Variants in MPPED2 observed in about 807,000 individuals in gnomAD.
MPPED2 encodes the protein metallophosphoesterase domain containing 2.
In MPPED2, 5 loss-of-function variants were observed where a neutral mutation model predicts 33.0. The observed-to-expected ratio is 0.15, with a 90% CI of 0.08 to 0.32. MPPED2 has a LOEUF of 0.32. Among genes scored for constraint, MPPED2 ranks in the 10% least tolerant of loss-of-function variants. The probability of loss-of-function intolerance (pLI) is 1.00; values close to 1 mark genes in which losing one functional copy is unlikely to be tolerated. For missense variants in MPPED2, 275 were observed against 372.1 expected (o/e 0.74, Z 2.15); for synonymous variants, 136 against 141.9 (o/e 0.96, Z 0.29).
chr11:30,484,660 G>A (rs574653), intron 4 of MPPED2, among the ~76,000 whole-genome samples: 114,580 of 152,130 alleles, frequency 0.75, 44,193 homozygotes, highest in African/African-American at 0.93. Context: ...GATACTCCAT[G>A]TAAGTGACCT....
intron 4 of MPPED2, among the ~76,000 whole-genome samples, chr11:30,452,236 C>G (rs1483701091): frequency 2.0e-5 from 3 of 152,174 alleles, no homozygotes; most frequent in Non-Finnish European, 4.4e-5. Flanking sequence ...CCCTATGTGC[C>G]CTTTCCCCTT....
chr11:30,494,152 A>G (rs960731692), intron 4 of MPPED2, among the ~76,000 whole-genome samples: 10 of 152,176 alleles, frequency 6.6e-5, no homozygotes, highest in African/African-American at 1.7e-4. Flanking sequence ...TTCAAAATCT[A>G]TATTTCTACA....
At chr11:30,586,436 C>A (rs950817653), upstream of MPPED2, among the ~76,000 whole-genome samples, 2 of 152,028 alleles carry the variant, frequency 1.3e-5, no homozygotes, top group Non-Finnish European at 2.9e-5. This position sits in a 1 kb window ranked among gnomAD's most constrained non-coding sequence, Gnocchi z 4.8. Context: ...CGCTCCCCGG[C>A]GGGACCCCGC....
intron 2 of MPPED2, among the ~76,000 whole-genome samples, chr11:30,555,237 C>T (rs1447723509): frequency 2.0e-5 from 3 of 152,186 alleles, no homozygotes; most frequent in East Asian, 1.9e-4. Context: ...CACTGTGACT[C>T]TCTTGCTATA....
At chr11:30,536,199 A>C in intron 2 of MPPED2, 24 bp from the exon 3 acceptor site, 2 of 1,540,770 alleles carry the variant, frequency 1.3e-6, no homozygotes, top group Non-Finnish European at 1.7e-6. Context: ...AACAGATCCC[A>C]TAACAGTTAA....
chr11:30,550,743 C>G (rs2134623111), intron 2 of MPPED2, among the ~76,000 whole-genome samples: 1 of 152,286 alleles, frequency 6.6e-6, no homozygotes, highest in South Asian at 2.1e-4. Context: ...ATAAAATCTC[C>G]CGCCAGGTCC....
chr11:30,427,568 C>T (rs182143101), intron 4 of MPPED2, among the ~76,000 whole-genome samples: 1 of 152,318 alleles, frequency 6.6e-6, no homozygotes, highest in Admixed American at 6.5e-5. Context: ...TCCCCATCAC[C>T]TGGCACAGAG....
rs1224702082 is a variant in MPPED2 at position 30,536,149 on chromosome 11, G to A, written c.155C>T (p.Pro52Leu). Residue 52 changes from proline (P) to leucine (L), a missense_variant, in exon 3 of 7, where the codon CCA becomes CTA. Coordinates refer to ENST00000358117, the MANE Select transcript of MPPED2 (RefSeq NM_001584.3). ...AAACCGCGTGTGGCCCGCTGGTTTT[G>A]GAGTGTCATATGGGATGGGGTCGAC... Reference protein sequence around the residue: ...HMVDPIPYDTPKPAGHTRFVC... With the variant: ...HMVDPIPYDTLKPAGHTRFVC... 1.2e-6 allele frequency: 2 copies of A among 1,610,386 alleles called. No homozygotes were observed. Among genetic ancestry groups the A allele is most frequent in the East Asian group, 2.2e-5 (1 of 44,824 alleles).
intron 6 of MPPED2, among the ~76,000 whole-genome samples, chr11:30,393,795 T>C (rs911374697): frequency 1.3e-5 from 2 of 152,218 alleles, no homozygotes; most frequent in Non-Finnish European, 2.9e-5. Context: ...TTTTATCCTG[T>C]TTTTAAAGTT....
At chr11:30,386,657 C>G (rs1459912142) in exon 7 of MPPED2, 1 of 398,184 alleles carries the variant, frequency 2.5e-6, no homozygotes, top group Admixed American at 4.4e-5. Flanking sequence ...AATTTGGATC[C>G]CAAATAAATG....
At chr11:30,489,677 G>GA (rs922673775) in intron 4 of MPPED2, among the ~76,000 whole-genome samples, 4 of 152,122 alleles carry the variant, frequency 2.6e-5, no homozygotes, top group East Asian at 1.9e-4. Flanking sequence ...ACTCTAACGT[G>GA]AAAAAATGTG....
rs118087052 is a variant in MPPED2, at chr11:30,441,273, C to T, written c.537-23640G>A. ...TGAAGCATATACTGACCAAATAGTT[C>T]CCAGGAGTTATTGCTGGAAACACAT... is the stretch of plus-strand genomic sequence containing the variant. On this transcript the variant is annotated intron_variant, in intron 4 of 6. Transcript: ENST00000358117. The T allele has an allele frequency of 7.8e-3, 1,180 of 152,208 alleles. 10 individuals are homozygous for T. Among genetic ancestry groups the T allele is most frequent in the Middle Eastern group, 0.024 (7 of 294 alleles). 9.4% of individuals were successfully genotyped at this position (152,208 alleles called of 1,614,324 possible).
chr11:30,483,392 T>C (rs1217656972), intron 4 of MPPED2, among the ~76,000 whole-genome samples: 1 of 152,124 alleles, frequency 6.6e-6, no homozygotes, highest in Admixed American at 6.5e-5. Flanking sequence ...TATTTAAAAA[T>C]ATATATATAC....
At chr11:30,505,434 A>T (rs1193374651) in intron 3 of MPPED2, among the ~76,000 whole-genome samples, 2 of 152,214 alleles carry the variant, frequency 1.3e-5, no homozygotes, top group Non-Finnish European at 2.9e-5. Context: ...CATGTTCTAA[A>T]TGGGAATCCC....
At chr11:30,399,680 C>T (rs1947884324) in intron 6 of MPPED2, among the ~76,000 whole-genome samples, 1 of 152,092 alleles carries the variant, frequency 6.6e-6, no homozygotes, top group Non-Finnish European at 1.5e-5. Context: ...TGTAGAGTCT[C>T]AGTAAATAAA....
intron 2 of MPPED2, among the ~76,000 whole-genome samples, chr11:30,552,369 T>C (rs1955758427): frequency 6.6e-6 from 1 of 152,228 alleles, no homozygotes; most frequent in African/African-American, 2.4e-5. Context: ...TTATGTAATA[T>C]ATGCTTACTA....
chr11:30,567,037 C>T (rs1956474118), intron 2 of MPPED2, among the ~76,000 whole-genome samples: 1 of 152,182 alleles, frequency 6.6e-6, no homozygotes, highest in South Asian at 2.1e-4. Context: ...TCTGGCACCT[C>T]TCAGTATCTC....
chr11:30,551,518 A>G (rs1955713675), intron 2 of MPPED2, among the ~76,000 whole-genome samples: 1 of 152,194 alleles, frequency 6.6e-6, no homozygotes, highest in Non-Finnish European at 1.5e-5. Flanking sequence ...AAAATATCTA[A>G]TAAATTTATG....
chr11:30,452,004 C>G, intron 4 of MPPED2: 1 of 985,412 alleles, frequency 1.0e-6, no homozygotes, highest in Non-Finnish European at 1.2e-6. Context: ...TAAAACGATT[C>G]CCATTTCCTG....
Sources: allele counts gnomAD v4.1 joint callset (sites outside exome capture counted in the v4.1 genomes callset), GRCh38; gene constraint gnomAD v4.1.1; non-coding constraint Gnocchi (gnomAD v3.1); transcripts MANE v1.5; gene names NCBI Gene and HGNC (gene_info 2026-07-23, HGNC 2026-07-21).